The following CEP63 variants were observed in gnomAD, a reference collection of about 807,000 sequenced individuals.
CEP63 encodes the protein centrosomal protein 63.
CEP63 carries 84 observed loss-of-function variants against 89.1 expected under a neutral mutation model. The ratio of observed to expected loss-of-function variants is 0.94; its 90% CI spans 0.79 to 1.13. CEP63 has a LOEUF of 1.13. Ranked by LOEUF, CEP63 falls within the 50% of genes most tolerant of loss-of-function variation. The pLI, the probability that CEP63 is intolerant of heterozygous loss-of-function variation, is 0.00. For synonymous variants in CEP63, 267 were observed against 272.5 expected, an observed-to-expected ratio of 0.98 and a Z score of 0.20; for missense variants, 838 against 813.3, an observed-to-expected ratio of 1.03 and a Z score of -0.37.
At chr3:134,631,155 T>A in the CEP63 span, among the ~76,000 whole-genome samples, 1 of 152,168 alleles carries the variant, frequency 6.6e-6, no homozygotes, top group Non-Finnish European at 1.5e-5. Flanking sequence ...AATAATATGA[T>A]GCAGAAAAAA....
intron 6 of CEP63, among the ~76,000 whole-genome samples, chr3:134,538,830 T>G (rs1277203235): frequency 1.3e-5 from 2 of 151,966 alleles, no homozygotes; most frequent in Non-Finnish European, 2.9e-5. Context: ...TTATAGATTC[T>G]CTCTTCAAAT....
chr3:134,520,920 T>C (rs1330289870), intron 3 of CEP63, among the ~76,000 whole-genome samples: 1 of 152,184 alleles, frequency 6.6e-6, no homozygotes, highest in Non-Finnish European at 1.5e-5. Context: ...CTGAAGATTT[T>C]CTAGAAGATG....
the CEP63 span, among the ~76,000 whole-genome samples, chr3:134,701,413 CAT>C: frequency 0.86 from 40,553 of 47,306 alleles, 18,492 homozygotes; most frequent in East Asian, 0.96. Context: ...CATATACACA[CAT>C]ATATATACGT....
At chr3:134,566,091 G>A (rs922341126), downstream of CEP63, among the ~76,000 whole-genome samples, 9 of 151,544 alleles carry the variant, frequency 5.9e-5, no homozygotes, top group Admixed American at 3.3e-4. Context: ...CTATTTCTCC[G>A]CAGTGCAATT....
At chr3:134,756,273 A>T in the CEP63 span, among the ~76,000 whole-genome samples, 4 of 152,224 alleles carry the variant, frequency 2.6e-5, no homozygotes, top group Non-Finnish European at 5.9e-5. Flanking sequence ...GACTCCCCAT[A>T]GAGAGCTGGG....
intron 8 of CEP63, among the ~76,000 whole-genome samples, chr3:134,547,126 G>T (rs541760000): frequency 2.0e-5 from 3 of 152,272 alleles, no homozygotes; most frequent in Admixed American, 2.0e-4. Context: ...CCAAATCCCA[G>T]TTAAGAAGGG....
the CEP63 span, among the ~76,000 whole-genome samples, chr3:134,695,108 C>A: frequency 6.6e-6 from 1 of 152,148 alleles, no homozygotes; most frequent in African/African-American, 2.4e-5. Flanking sequence ...GTCAGCCGGC[C>A]GGGACCTGCC....
Position 134,545,870 on chromosome 3 carries a change from A to C in CEP63, c.789+51A>C, listed in dbSNP as rs1359252541. ...GGGGAAGTGTGTGTATGAGTATTTTAAGAGAGTGTTATTAAGCTAGAACTA... is the reference window on the plus strand; with the variant it reads ...GGGGAAGTGTGTGTATGAGTATTTTCAGAGAGTGTTATTAAGCTAGAACTA... On this transcript the variant is annotated intron_variant, in intron 7 of 14. Coordinates refer to ENST00000675561, the MANE Select transcript of CEP63 (RefSeq NM_001353108.3). The C allele has an allele frequency of 3.0e-6, 4 of 1,348,202 alleles. No homozygotes were observed. The African/African-American group carries it at 4.4e-5, about 15-fold the overall frequency. The allele number at this position is 1,348,202 out of a possible 1,614,324, so 83.5% of individuals were successfully genotyped here.
chr3:134,492,572 CTT>C (rs77074365), intron 1 of CEP63, among the ~76,000 whole-genome samples: 46 of 139,158 alleles, frequency 3.3e-4, no homozygotes, highest in African/African-American at 4.0e-4. Flanking sequence ...CACTTCCCTC[CTT>C]TTTTTTTTTT....
chr3:134,588,333 A>G (rs1396860528), downstream of CEP63, among the ~76,000 whole-genome samples: 2 of 152,202 alleles, frequency 1.3e-5, no homozygotes, highest in Non-Finnish European at 1.5e-5. Flanking sequence ...AATATTAAAC[A>G]TATGTTGAGA....
the CEP63 span, among the ~76,000 whole-genome samples, chr3:134,763,801 G>C: frequency 1.3e-5 from 2 of 152,178 alleles, no homozygotes; most frequent in East Asian, 1.9e-4. Context: ...ATAACACTTA[G>C]TTCTTAGTGA....
At chr3:134,701,722 G>A in the CEP63 span, among the ~76,000 whole-genome samples, 1 of 152,086 alleles carries the variant, frequency 6.6e-6, no homozygotes, top group East Asian at 1.9e-4. Flanking sequence ...GGAAGTCCTG[G>A]CCAGGGCAAT....
the CEP63 span, among the ~76,000 whole-genome samples, chr3:134,681,751 A>G: frequency 6.6e-6 from 1 of 152,242 alleles, no homozygotes; most frequent in Admixed American, 6.5e-5. Flanking sequence ...TCAAAACAAA[A>G]CAGATGTTGC....
chr3:134,779,464 G>A, the CEP63 span, among the ~76,000 whole-genome samples: 5 of 152,184 alleles, frequency 3.3e-5, no homozygotes, highest in Non-Finnish European at 7.3e-5. Context: ...ATGTGCAAGG[G>A]CATTGCTAAG....
At chr3:134,673,324 C>G in the CEP63 span, among the ~76,000 whole-genome samples, 3 of 152,138 alleles carry the variant, frequency 2.0e-5, no homozygotes, top group Non-Finnish European at 4.4e-5. Context: ...GTCTCATGGC[C>G]TCATATAGAA....
the CEP63 span, among the ~76,000 whole-genome samples, chr3:134,597,268 A>G: frequency 6.6e-6 from 1 of 152,234 alleles, no homozygotes; most frequent in African/African-American, 2.4e-5. Context: ...GCTGCCTTTC[A>G]TCAAATTAGT....
At position 134,551,544 on chromosome 3, in the gene CEP63, A is replaced by T. The variant is rs1264759255; in HGVS notation, c.1381-382A>T. On this transcript the variant is annotated intron_variant, in intron 11 of 14. Transcript: ENST00000675561. ...TGTGAATAAAGTACAATTCCATGTG[A>T]CGTTGCAGGTAGAAGCCAAATTGGA... 3.9e-5 allele frequency among the ~76,000 whole-genome samples: 6 copies of T among 152,162 alleles called. No individual in the cohort carries two copies. The East Asian group carries it at 9.7e-4, about 24-fold the overall frequency.
the CEP63 span, among the ~76,000 whole-genome samples, chr3:134,709,012 T>C: frequency 8.1e-3 from 1,233 of 152,260 alleles, 68 homozygotes; most frequent in South Asian, 0.13. Flanking sequence ...GGTTGTCACT[T>C]GGACTTGCCC....
At chr3:134,769,069 CAAAGT>C in the CEP63 span, among the ~76,000 whole-genome samples, 7 of 152,274 alleles carry the variant, frequency 4.6e-5, no homozygotes, top group East Asian at 7.7e-4. Context: ...TAGAGACTCA[CAAAGT>C]AGAAGCGCTT....
Sources: gnomAD v4.1 joint callset for allele counts (sites outside exome capture counted in the v4.1 genomes callset) on GRCh38, gnomAD v4.1.1 for gene constraint, MANE v1.5 for transcripts, NCBI Gene and HGNC (gene_info 2026-07-23, HGNC 2026-07-21) for gene names.